Variants in DCT observed in about 807,000 individuals in gnomAD.
DCT encodes the protein L-dopachrome tautomerase.
Under a neutral mutation model 53.0 loss-of-function variants are expected in DCT, and 47 were observed. That is an observed-to-expected ratio of 0.89 (90% CI 0.70 to 1.13). The LOEUF is 1.13. DCT is among the 50% of genes most tolerant of loss of function. The probability of loss-of-function intolerance (pLI) is 0.00; values close to 1 mark genes in which losing one functional copy is unlikely to be tolerated. For missense variants in DCT, 669 were observed against 637.4 expected (o/e 1.05, Z -0.53); for synonymous variants, 244 against 237.0 (o/e 1.03, Z -0.27).
At chr13:94,475,161 C>T (rs1232087186) in intron 1 of DCT, among the ~76,000 whole-genome samples, 1 of 152,146 alleles carries the variant, frequency 6.6e-6, no homozygotes, top group Non-Finnish European at 1.5e-5. Flanking sequence ...AATTGAAGGA[C>T]ATGTGTCCTG....
chr13:94,478,165 C>A (rs1464347390), intron 1 of DCT, among the ~76,000 whole-genome samples: 49 of 138,242 alleles, frequency 3.5e-4, no homozygotes, highest in East Asian at 1.0e-3. Flanking sequence ...CCGCCCCCCC[C>A]ACCCCCAGCT....
intron 7 of DCT, among the ~76,000 whole-genome samples, chr13:94,441,907 T>G (rs935053213): frequency 1.3e-5 from 2 of 152,224 alleles, no homozygotes; most frequent in Non-Finnish European, 2.9e-5. Flanking sequence ...TCCATTTTTT[T>G]GAGGAATCCC....
At chr13:94,505,671 G>C in the DCT span, among the ~76,000 whole-genome samples, 10 of 152,342 alleles carry the variant, frequency 6.6e-5, no homozygotes, top group South Asian at 6.2e-4. Flanking sequence ...GTGGGGAGAA[G>C]AGAAAATGGC....
the DCT span, among the ~76,000 whole-genome samples, chr13:94,504,536 T>G: frequency 6.6e-6 from 1 of 151,948 alleles, no homozygotes; most frequent in Non-Finnish European, 1.5e-5. Context: ...CCCGGCTAAT[T>G]TTTTGTATTT....
At chr13:94,441,708 C>T (rs947864544) in intron 7 of DCT, among the ~76,000 whole-genome samples, 2 of 152,176 alleles carry the variant, frequency 1.3e-5, no homozygotes, top group African/African-American at 4.8e-5. Context: ...TAATATTCCA[C>T]TGTATGTATG....
At chr13:94,513,589 C>T in the DCT span, among the ~76,000 whole-genome samples, 8 of 151,786 alleles carry the variant, frequency 5.3e-5, no homozygotes, top group African/African-American at 1.7e-4. Context: ...GACAGGGAGA[C>T]AAAACAAGCA....
the DCT span, among the ~76,000 whole-genome samples, chr13:94,485,927 G>A: frequency 6.6e-6 from 1 of 152,134 alleles, no homozygotes; most frequent in Non-Finnish European, 1.5e-5. Context: ...CCTACGCGTT[G>A]CTCGATTGCA....
chr13:94,537,305 T>G, the DCT span, among the ~76,000 whole-genome samples: 1 of 152,236 alleles, frequency 6.6e-6, no homozygotes, highest in Admixed American at 6.5e-5. Flanking sequence ...CTTCAAACCT[T>G]CCATTTAAAA....
At chr13:94,492,817 T>C in the DCT span, among the ~76,000 whole-genome samples, 1 of 152,228 alleles carries the variant, frequency 6.6e-6, no homozygotes, top group African/African-American at 2.4e-5. Flanking sequence ...TCATTCCAGA[T>C]GAAAATATTC....
At chr13:94,523,127 T>C in the DCT span, among the ~76,000 whole-genome samples, 1 of 152,204 alleles carries the variant, frequency 6.6e-6, no homozygotes, top group African/African-American at 2.4e-5. Context: ...ACCCACTCCT[T>C]GGGGAAGCAA....
Position 94,469,886 on chromosome 13 carries a change from C to G in DCT, c.296-841G>C, listed in dbSNP as rs528593190. On this transcript the variant is annotated intron_variant, in intron 1 of 7. Coordinates refer to ENST00000377028, the MANE Select transcript of DCT (RefSeq NM_001922.5). ...GGTCTGGAGTTCGAGACCAGACTGG[C>G]CAACATGGTGAAACCTCGTCTCTAC... is the stretch of plus-strand genomic sequence containing the variant. Among the ~76,000 whole-genome samples the G allele has an allele frequency of 3.7e-4, 56 of 152,184 alleles. No individual in the cohort carries two copies. In the South Asian group the frequency reaches 0.011, roughly 30 times the overall value.
the DCT span, among the ~76,000 whole-genome samples, chr13:94,487,621 T>C: frequency 6.6e-6 from 1 of 152,124 alleles, no homozygotes; most frequent in Non-Finnish European, 1.5e-5. Flanking sequence ...ATGGCTAAGA[T>C]TAATACAGAG....
chr13:94,511,974 C>G, the DCT span, among the ~76,000 whole-genome samples: 1 of 152,126 alleles, frequency 6.6e-6, no homozygotes, highest in South Asian at 2.1e-4. Flanking sequence ...AGCAATACTT[C>G]CACCTCCACC....
chr13:94,494,636 C>T, the DCT span, among the ~76,000 whole-genome samples: 1 of 152,084 alleles, frequency 6.6e-6, no homozygotes, highest in Non-Finnish European at 1.5e-5. Flanking sequence ...ACTCTGAAAA[C>T]TTTCTATAAT....
At chr13:94,543,690 T>A in the DCT span, among the ~76,000 whole-genome samples, 3 of 152,322 alleles carry the variant, frequency 2.0e-5, no homozygotes, top group Admixed American at 6.5e-5. Flanking sequence ...CCCTTCCTAA[T>A]CATGTTGTTA....
chr13:94,499,123 T>C, the DCT span, among the ~76,000 whole-genome samples: 5 of 152,174 alleles, frequency 3.3e-5, no homozygotes, highest in African/African-American at 9.7e-5. Context: ...AATCTTGCTG[T>C]TGCTCACTCT....
At chr13:94,503,054 T>TAA in the DCT span, among the ~76,000 whole-genome samples, 3 of 152,164 alleles carry the variant, frequency 2.0e-5, no homozygotes, top group African/African-American at 7.2e-5. Flanking sequence ...GACCTGTGAA[T>TAA]GTCACTTTAT....
the DCT span, among the ~76,000 whole-genome samples, chr13:94,517,017 C>T: frequency 6.6e-6 from 1 of 152,154 alleles, no homozygotes; most frequent in Non-Finnish European, 1.5e-5. Flanking sequence ...TACAAAGATA[C>T]ATTATTGCAA....
At chr13:94,543,359 CAGA>C in the DCT span, among the ~76,000 whole-genome samples, 13 of 152,302 alleles carry the variant, frequency 8.5e-5, no homozygotes, top group Admixed American at 8.5e-4. Flanking sequence ...AACCACAACT[CAGA>C]AGATTTTTCA....
Sources: gnomAD v4.1 joint callset for allele counts (sites outside exome capture counted in the v4.1 genomes callset) on GRCh38, gnomAD v4.1.1 for gene constraint, MANE v1.5 for transcripts, NCBI Gene and HGNC (gene_info 2026-07-23, HGNC 2026-07-21) for gene names.